MYO1H: variants seen among roughly 807,000 people sequenced by gnomAD.
MYO1H encodes unconventional myosin-Ih.
In MYO1H, 118 loss-of-function variants were observed where a neutral mutation model predicts 149.3. The observed-to-expected ratio is 0.79, with a 90% CI of 0.68 to 0.92. MYO1H has a LOEUF of 0.92. Among genes scored for constraint, MYO1H ranks in the 40% least tolerant of loss-of-function variants. The pLI, the probability that MYO1H is intolerant of heterozygous loss-of-function variation, is 0.00. For synonymous variants in MYO1H, 447 were observed against 465.2 expected (o/e 0.96, Z 0.50); for missense variants, 1,212 against 1,280.7 (o/e 0.95, Z 0.82).
chr12:109,318,763 G>GGA, the MYO1H span, among the ~76,000 whole-genome samples: 1 of 152,108 alleles, frequency 6.6e-6, no homozygotes, highest in African/African-American at 2.4e-5. Context: ...ATGCAGTGTG[G>GGA]TGCCCTGGGT....
the MYO1H span, among the ~76,000 whole-genome samples, chr12:109,312,213 G>T: frequency 2.3e-4 from 34 of 150,256 alleles, no homozygotes; most frequent in African/African-American, 5.4e-4. Context: ...TTTTTTTTTT[G>T]TTTGTTTGTT....
At chr12:109,436,814 C>T (rs1194174382) in intron 22 of MYO1H, among the ~76,000 whole-genome samples, 1 of 152,038 alleles carries the variant, frequency 6.6e-6, no homozygotes, top group Non-Finnish European at 1.5e-5. Context: ...GTGGGCCAGT[C>T]GCGGTGGCTC....
intron 4 of MYO1H, among the ~76,000 whole-genome samples, chr12:109,396,850 G>A (rs187846009): frequency 8.5e-5 from 9 of 105,978 alleles, no homozygotes; most frequent in East Asian, 8.2e-4. Flanking sequence ...TTTTTGAGAC[G>A]GAGTCTCTCT....
chr12:109,318,960 G>GTTTTTTTTTTTTTTTT, the MYO1H span, among the ~76,000 whole-genome samples: 1 of 77,938 alleles, frequency 1.3e-5, no homozygotes, highest in African/African-American at 6.6e-5. Flanking sequence ...AACTCTCTGC[G>GTTTTTTTTTTTTTTTT]TTTTTGGTTT....
intron 1 of MYO1H, among the ~76,000 whole-genome samples, chr12:109,350,246 G>A (rs1244966537): frequency 6.6e-6 from 1 of 152,032 alleles, no homozygotes; most frequent in Non-Finnish European, 1.5e-5. Flanking sequence ...AAGTTAGTTG[G>A]GTTGTAGGGA....
At chr12:109,320,736 G>A in the MYO1H span, among the ~76,000 whole-genome samples, 1 of 151,914 alleles carries the variant, frequency 6.6e-6, no homozygotes, top group Admixed American at 6.6e-5. Flanking sequence ...AAGACAAACT[G>A]TAAAAGGATT....
chr12:109,444,460 T>A (rs1330017481), exon 30 of MYO1H: 6 of 1,613,954 alleles, frequency 3.7e-6, no homozygotes, highest in Non-Finnish European at 5.1e-6. Context: ...TGTGGACACG[T>A]GTTTGAAGCA....
At chr12:109,444,377 C>T in intron 29 of MYO1H, 55 bp from the exon 30 acceptor site, 1 of 1,574,976 alleles carries the variant, frequency 6.3e-7, no homozygotes, top group Non-Finnish European at 8.7e-7. Flanking sequence ...ATTGGAGTGT[C>T]TGTTTCTTTA....
At position 109,443,082 on chromosome 12, in the gene MYO1H, G is replaced by GTATGTGTGTATATATGTGTACATA. The variant is rs1566044823; in HGVS notation, c.2689-411_2689-410insATATATGTGTGTATATATGTGTAC. 3.4e-3 allele frequency among the ~76,000 whole-genome samples: 169 copies of GTATGTGTGTATATATGTGTACATA among 49,666 alleles called. 39 individuals carry two copies. The highest frequency in any genetic ancestry group is 0.015 in the African/African-American group (115 of 7,848). 32.6% of individuals were successfully genotyped at this position (49,666 alleles called of 152,430 possible). On this transcript the variant is annotated intron_variant, in intron 27 of 31. Transcript: ENST00000310903. ...TACGTATGTGTGTATATATGTGTAC[G>GTATGTGTGTATATATGTGTACATA]TATGTGTGTATATATGTGTACGTAT...
At position 109,443,752 on chromosome 12, in the gene MYO1H, A is replaced by G. The variant is rs908571247; in HGVS notation, c.2824+103A>G. 4 of 1,364,312 alleles carry G rather than the reference A, an allele frequency of 2.9e-6. No individual in the cohort carries two copies. The South Asian group carries it at 5.3e-5, about 18-fold the overall frequency. 84.5% of individuals were successfully genotyped at this position (1,364,312 alleles called of 1,614,324 possible). ...TGGGAAACACAAGTGTAGGGTGCCCATAAACCCCGGGGTAGTGATGCACAC... is the reference window on the plus strand; with the variant it reads ...TGGGAAACACAAGTGTAGGGTGCCCGTAAACCCCGGGGTAGTGATGCACAC... On this transcript the variant is annotated intron_variant, in intron 28 of 31. Transcript: ENST00000310903.
chr12:109,360,342 C>T (rs934084482), intron 1 of MYO1H, among the ~76,000 whole-genome samples: 4 of 152,090 alleles, frequency 2.6e-5, no homozygotes, highest in Non-Finnish European at 4.4e-5. Context: ...TCTGGTGCCT[C>T]GTGAATCAAT....
At chr12:109,334,873 T>C in the MYO1H span, among the ~76,000 whole-genome samples, 5 of 152,220 alleles carry the variant, frequency 3.3e-5, no homozygotes, top group African/African-American at 1.2e-4. Context: ...AGTTATGAAC[T>C]GTCACCACTA....
At chr12:109,374,582 AC>A (rs1333285101) in intron 1 of MYO1H, among the ~76,000 whole-genome samples, 1 of 152,130 alleles carries the variant, frequency 6.6e-6, no homozygotes, top group Admixed American at 6.5e-5. Context: ...GCTGCCATGT[AC>A]CTTCCTATGC....
At chr12:109,356,063 C>T (rs1184916387) in intron 1 of MYO1H, among the ~76,000 whole-genome samples, 1 of 152,110 alleles carries the variant, frequency 6.6e-6, no homozygotes, top group East Asian at 1.9e-4. Context: ...CAAGTCACAA[C>T]CACTTTTAAC....
intron 15 of MYO1H, 119 bp downstream of exon 15, chr12:109,415,739 C>CGT (rs1870875765): frequency 3.6e-6 from 2 of 559,086 alleles, no homozygotes; most frequent in African/African-American, 1.9e-5. Flanking sequence ...CCTAACCTCG[C>CGT]GTTCAAGCCA....
chr12:109,380,969 C>A (rs1003822863), intron 1 of MYO1H, among the ~76,000 whole-genome samples: 1 of 152,088 alleles, frequency 6.6e-6, no homozygotes, highest in East Asian at 1.9e-4. Flanking sequence ...TAAGTTCAAA[C>A]CTCTTCATTC....
At chr12:109,404,618 G>T (rs1481845663) in intron 7 of MYO1H, among the ~76,000 whole-genome samples, 2 of 152,202 alleles carry the variant, frequency 1.3e-5, no homozygotes, top group Non-Finnish European at 2.9e-5. Flanking sequence ...ATTAATGTAA[G>T]TTTGAAATTC....
upstream of MYO1H, among the ~76,000 whole-genome samples, chr12:109,344,000 CT>C (rs1228998767): frequency 2.6e-5 from 4 of 152,256 alleles, no homozygotes; most frequent in Admixed American, 1.3e-4. Context: ...CTTCTCTTGG[CT>C]GTGACAGTTT....
chr12:109,360,476 A>G (rs1279742979), intron 1 of MYO1H, among the ~76,000 whole-genome samples: 1 of 151,962 alleles, frequency 6.6e-6, no homozygotes, highest in African/African-American at 2.4e-5. Context: ...CTCTCTCTTC[A>G]CTAATAATAT....
Sources: allele counts gnomAD v4.1 joint callset (sites outside exome capture counted in the v4.1 genomes callset), GRCh38; gene constraint gnomAD v4.1.1; transcripts MANE v1.5; gene names NCBI Gene and HGNC (gene_info 2026-07-23, HGNC 2026-07-21).